The following MTHFD1 variants were observed in gnomAD, a reference collection of about 807,000 sequenced individuals.
The protein encoded by MTHFD1 is methylenetetrahydrofolate dehydrogenase, cyclohydrolase and formyltetrahydrofolate synthetase 1, also known as C-1-tetrahydrofolate synthase, cytoplasmic.
In MTHFD1, 44 loss-of-function variants were observed where a neutral mutation model predicts 110.3. The observed-to-expected ratio is 0.40, with a 90% CI of 0.31 to 0.51. The LOEUF is 0.51. Among genes scored for constraint, MTHFD1 ranks in the 20% least tolerant of loss-of-function variants. The pLI is 0.60. For synonymous variants in MTHFD1, 402 were observed against 428.8 expected, an observed-to-expected ratio of 0.94 and a Z score of 0.77; for missense variants, 909 against 1,173.1, an observed-to-expected ratio of 0.77 and a Z score of 3.29.
At chr14:64,403,846 C>T (rs150657035) in intron 2 of MTHFD1, among the ~76,000 whole-genome samples, 36 of 152,302 alleles carry the variant, frequency 2.4e-4, no homozygotes, top group African/African-American at 8.4e-4. Flanking sequence ...TGTGCTCGGC[C>T]AAGTTGAAGT....
chr14:64,437,825 C>T (rs1214238299), intron 16 of MTHFD1, among the ~76,000 whole-genome samples: 2 of 152,136 alleles, frequency 1.3e-5, no homozygotes, highest in African/African-American at 4.8e-5. Context: ...ATCACTCTCC[C>T]AGCACCTGGA....
intron 15 of MTHFD1, 33 bp downstream of exon 15, chr14:64,431,894 G>T (rs565728760): frequency 3.2e-6 from 5 of 1,574,022 alleles, no homozygotes; most frequent in Non-Finnish European, 4.4e-6. Context: ...TTTTTATATT[G>T]TATGGAATCT....
At chr14:64,427,783 C>G (rs1169221251) in intron 12 of MTHFD1, among the ~76,000 whole-genome samples, 1 of 152,192 alleles carries the variant, frequency 6.6e-6, no homozygotes, top group African/African-American at 2.4e-5. Flanking sequence ...TACTGATCAT[C>G]TTACAGACAC....
chr14:64,448,221 T>C lies in MTHFD1; in HGVS notation c.2183T>C (p.Leu728Pro), dbSNP rs765489316. ...CTTTCACTGTTGTTTTTACAGAACC[T>C]GGAGCTGGTTGAAAAAGGCTTCAGT... ...PLPKAYIQEN[L>P]ELVEKGFSNL... The change falls in exon 23 of 28, where the codon CTG becomes CCG. Residue 728 changes from leucine (L) to proline (P), a missense_variant. Leu to Pro is a moderately conservative substitution (Grantham distance 98). Coordinates refer to ENST00000652337, the MANE Select transcript of MTHFD1 (RefSeq NM_005956.4). 4 of 1,613,284 alleles carry C rather than the reference T, an allele frequency of 2.5e-6. No homozygotes were observed. Among genetic ancestry groups the C allele is most frequent in the Non-Finnish European group, 3.4e-6 (4 of 1,179,176 alleles).
At chr14:64,405,565 GTC>G (rs1352416148) in intron 2 of MTHFD1, among the ~76,000 whole-genome samples, 2 of 152,148 alleles carry the variant, frequency 1.3e-5, no homozygotes, top group African/African-American at 4.8e-5. Context: ...GCCTGAGGCC[GTC>G]TCCTTAGGAG....
chr14:64,401,019 C>T (rs978722643), intron 2 of MTHFD1, 142 bp downstream of exon 2: 2 of 694,406 alleles, frequency 2.9e-6, no homozygotes, highest in African/African-American at 1.8e-5. Context: ...CAGGCTCCCC[C>T]CTTTGGCTCA....
intron 12 of MTHFD1, 123 bp from the exon 13 acceptor site, chr14:64,430,061 G>T: frequency 1.1e-6 from 1 of 905,822 alleles, no homozygotes; most frequent in Non-Finnish European, 1.8e-6. Flanking sequence ...CTGTCCAAAT[G>T]ATTCTAAAAA....
intron 22 of MTHFD1, among the ~76,000 whole-genome samples, chr14:64,446,084 T>C (rs1247371722): frequency 6.6e-6 from 1 of 152,214 alleles, no homozygotes; most frequent in Non-Finnish European, 1.5e-5. Flanking sequence ...GAAGACTCTT[T>C]TATTTTTAAA....
rs780654680 is a variant in MTHFD1, at chr14:64,415,657, T to C, written c.396T>C (p.Ala132=). Residue 132 remains alanine, a synonymous_variant, in exon 6 of 28, where the codon GCT becomes GCC. Coordinates refer to ENST00000652337, the MANE Select transcript of MTHFD1 (RefSeq NM_005956.4). ...KDVDGLTSIN[A]GKLARGDLND... ...TTTTAAGATTGACTAGCATCAATGC[T>C]GGGAAACTTGCTAGAGGTGACCTCA... The C allele has an allele frequency of 5.0e-6, 8 of 1,612,866 alleles. No homozygotes were observed. The highest frequency in any genetic ancestry group is 1.7e-4 in the Middle Eastern group (1 of 6,056).
intron 26 of MTHFD1, among the ~76,000 whole-genome samples, chr14:64,457,434 T>G (rs1275969792): frequency 2.6e-5 from 4 of 151,608 alleles, no homozygotes; most frequent in African/African-American, 9.7e-5. Flanking sequence ...CAGAAGGACA[T>G]GAGGAATCAG....
chr14:64,388,481 C>A lies in MTHFD1; in HGVS notation c.41+13C>A. On this transcript the variant is annotated intron_variant, in intron 1 of 27. Coordinates refer to ENST00000652337, the MANE Select transcript of MTHFD1 (RefSeq NM_005956.4). ...AGGAGATCTCCGCGTAAGCACCTGA[C>A]ATTGTTGTTGAGTGTGGGGCTGTGG... is the stretch of plus-strand genomic sequence containing the variant. 3 of 1,612,476 alleles carry A rather than the reference C, an allele frequency of 1.9e-6. No individual in the cohort carries two copies. The highest frequency in any genetic ancestry group is 2.5e-6 in the Non-Finnish European group (3 of 1,179,168).
intron 9 of MTHFD1, 70 bp downstream of exon 9, chr14:64,425,001 A>G (rs967739153): frequency 1.9e-6 from 3 of 1,586,206 alleles, no homozygotes; most frequent in Middle Eastern, 3.3e-4. Context: ...TTTCTCCCCA[A>G]GTAGAAATGT....
In MTHFD1 at chr14:64,426,000, A is replaced by G; in HGVS notation, c.954-19A>G. 2 of 1,613,302 alleles carry G rather than the reference A, an allele frequency of 1.2e-6. No homozygotes were observed. The highest frequency in any genetic ancestry group is 1.7e-6 in the Non-Finnish European group (2 of 1,179,832). ...ACTCAGTGGATAAACATTAATACCT[A>G]TTTTCTATGTTTCCAAAGTGACATT... On this transcript the variant is annotated intron_variant, in intron 10 of 27. Coordinates refer to ENST00000652337, the MANE Select transcript of MTHFD1 (RefSeq NM_005956.4).
chr14:64,444,667 TCTGA>T (rs1714627175), intron 21 of MTHFD1, 22 bp from the exon 22 acceptor site: 7 of 1,613,834 alleles, frequency 4.3e-6, no homozygotes, highest in Non-Finnish European at 5.9e-6. Context: ...AGGAAATGCC[TCTGA>T]CTCTGTTTCT....
chr14:64,446,852 GT>G (rs199695247), intron 22 of MTHFD1, among the ~76,000 whole-genome samples: 5 of 151,650 alleles, frequency 3.3e-5, no homozygotes, highest in Non-Finnish European at 7.4e-5. Flanking sequence ...GGTTTTTGGG[GT>G]TTTTTTTACA....
chr14:64,446,637 G>A (rs1596555086), intron 22 of MTHFD1, among the ~76,000 whole-genome samples: 1 of 151,988 alleles, frequency 6.6e-6, no homozygotes, highest in Non-Finnish European at 1.5e-5. Context: ...CGCCTCCTGG[G>A]TTCACACCAT....
intron 22 of MTHFD1, among the ~76,000 whole-genome samples, chr14:64,446,767 C>T (rs1018905200): frequency 1.3e-5 from 2 of 152,200 alleles, no homozygotes; most frequent in African/African-American, 2.4e-5. Flanking sequence ...TGGTCTCGAT[C>T]TCCTGACCTC....
intron 3 of MTHFD1, among the ~76,000 whole-genome samples, chr14:64,411,589 A>C (rs1483457090): frequency 3.3e-5 from 5 of 152,154 alleles, no homozygotes; most frequent in Non-Finnish European, 5.9e-5. Flanking sequence ...GGCTCAGTGA[A>C]TCTGCATTTT....
intron 2 of MTHFD1, among the ~76,000 whole-genome samples, chr14:64,402,738 A>C (rs964079653): frequency 1.2e-4 from 18 of 152,124 alleles, no homozygotes; most frequent in African/African-American, 4.3e-4. Flanking sequence ...GAGCCCAGGA[A>C]GTCGAGGCTG....
Sources: gnomAD v4.1 joint callset for allele counts (sites outside exome capture counted in the v4.1 genomes callset) on GRCh38, gnomAD v4.1.1 for gene constraint, MANE v1.5 for transcripts, NCBI Gene and HGNC (gene_info 2026-07-23, HGNC 2026-07-21) for gene names.